EFR3B: variants seen among roughly 807,000 people sequenced by gnomAD.
EFR3B encodes the protein EFR3 homolog B, also known as protein EFR3 homolog B.
EFR3B carries 64 observed loss-of-function variants against 104.7 expected under a neutral mutation model. The ratio of observed to expected loss-of-function variants is 0.61; its 90% CI spans 0.50 to 0.75. The LOEUF (loss-of-function observed/expected upper bound fraction) is 0.75. EFR3B is among the 30% of genes least tolerant of loss of function. The pLI, the probability that EFR3B is intolerant of heterozygous loss-of-function variation, is 0.00. For missense variants in EFR3B, 750 were observed against 1,078.5 expected, an observed-to-expected ratio of 0.70 and a Z score of 4.27; for synonymous variants, 385 against 417.9, an observed-to-expected ratio of 0.92 and a Z score of 0.96.
At chr2:25,107,272 G>C (rs1669591821) in intron 4 of EFR3B, among the ~76,000 whole-genome samples, 1 of 152,166 alleles carries the variant, frequency 6.6e-6, no homozygotes, top group Admixed American at 6.5e-5. Context: ...CCCCGGCCTT[G>C]TGGGTGAGAA....
At chr2:25,110,091 C>G (rs544291490) in intron 4 of EFR3B, among the ~76,000 whole-genome samples, 29 of 152,206 alleles carry the variant, frequency 1.9e-4, no homozygotes, top group African/African-American at 6.3e-4. Flanking sequence ...CTGTTCCCCC[C>G]CATCTTGCTT....
At position 25,059,875 on chromosome 2, in the gene EFR3B, CAAAAAA is replaced by C. The variant is rs773320701; in HGVS notation, c.7+17577_7+17582del. Among the ~76,000 whole-genome samples, 7 of 48,750 alleles carry C rather than the reference CAAAAAA, an allele frequency of 1.4e-4. No individual in the cohort carries two copies. In the South Asian group the frequency reaches 2.3e-3, roughly 16 times the overall value. The allele number at this position is 48,750 out of a possible 152,430, so 32.0% of individuals were successfully genotyped here. A position where few individuals can be genotyped will look rare whatever the true frequency, so the allele number is the denominator to read the frequency against. On this transcript the variant is annotated intron_variant, in intron 1 of 22. Transcript: ENST00000403714. ...GGGCAACAAGAGCAAAACTCTGTCT[CAAAAAA>C]AAAAAAAAAAAAAAAAAAAAGACTA... is the stretch of plus-strand genomic sequence containing the variant.
At chr2:25,080,282 G>GTTT in intron 1 of EFR3B, 18 of 176,982 alleles carry the variant, frequency 1.0e-4, no homozygotes, top group East Asian at 5.6e-4. Context: ...CCTCCCCAAA[G>GTTT]CTTTTTTTTT....
chr2:25,141,214 C>T (rs1322406324), intron 16 of EFR3B, among the ~76,000 whole-genome samples, 152 bp from the exon 17 acceptor site: 8 of 152,092 alleles, frequency 5.3e-5, no homozygotes, highest in African/African-American at 1.7e-4. Flanking sequence ...CCTGTTGATG[C>T]GAGTTTCCAC....
rs142956326 is a variant in EFR3B, at chr2:25,127,147, G to A, written c.486-1036G>A. Reference sequence around the variant, plus strand: ...GCAGAGGTTGCAGTAAGCCAAGATCGCACCATTGCACTCCAGCCTGGGCGA... The same window carrying A: ...GCAGAGGTTGCAGTAAGCCAAGATCACACCATTGCACTCCAGCCTGGGCGA... On this transcript the variant is annotated intron_variant, in intron 5 of 22. Coordinates refer to ENST00000403714, the MANE Select transcript of EFR3B (RefSeq NM_014971.2). Among the ~76,000 whole-genome samples the A allele has an allele frequency of 8.0e-3, 1,046 of 130,358 alleles. 12 individuals are homozygous for A. The highest frequency in any genetic ancestry group is 0.029 in the African/African-American group (983 of 33,598). 85.5% of individuals were successfully genotyped at this position (130,358 alleles called of 152,430 possible).
At chr2:25,118,452 TAC>T (rs1054167133) in intron 4 of EFR3B, among the ~76,000 whole-genome samples, 6 of 152,146 alleles carry the variant, frequency 3.9e-5, no homozygotes, top group African/African-American at 1.2e-4. Context: ...TGTGTGTGTA[TAC>T]ACAGATATGC....
chr2:25,138,390 C>T (rs1670577496), intron 15 of EFR3B, among the ~76,000 whole-genome samples: 1 of 152,082 alleles, frequency 6.6e-6, no homozygotes. Context: ...TTCCTGGGTG[C>T]GTGTGTACAC....
In EFR3B at chr2:25,158,988, G is replaced by A. The variant is rs1235435851; in HGVS notation, c.*4648G>A. Reference sequence around the variant, plus strand: ...TATTTTAAACCCATTGAATTGGTTAGTTTTATTTTAGGGAAGTGGGAAAGG... The same window carrying A: ...TATTTTAAACCCATTGAATTGGTTAATTTTATTTTAGGGAAGTGGGAAAGG... On this transcript the variant is annotated 3_prime_UTR_variant, in exon 23 of 23. Transcript: ENST00000403714. 2.0e-5 allele frequency: 3 copies of A among 152,212 alleles called. No homozygotes were observed. Among genetic ancestry groups the A allele is most frequent in the African/African-American group, 7.2e-5 (3 of 41,450 alleles). 9.4% of individuals were successfully genotyped at this position (152,212 alleles called of 1,614,324 possible).
At chr2:25,121,268 T>A (rs1670005081) in intron 4 of EFR3B, among the ~76,000 whole-genome samples, 1 of 152,216 alleles carries the variant, frequency 6.6e-6, no homozygotes, top group Non-Finnish European at 1.5e-5. Context: ...TGTTCTTGTG[T>A]CCTCGAATTC....
At chr2:25,124,738 CAAAAAAAAAAAAA>C (rs34181444) in intron 5 of EFR3B, among the ~76,000 whole-genome samples, 1 of 41,790 alleles carries the variant, frequency 2.4e-5, no homozygotes, top group Non-Finnish European at 4.1e-5. Context: ...GACTCTGTCT[CAAAAAAAAAAAAA>C]AAAAAAAAAA....
Position 25,138,000 on chromosome 2 carries a change from C to T in EFR3B, c.1722+498C>T, listed in dbSNP as rs759586224. ...CAGCCTGGCCAACATGGTGAAACCC[C>T]GTCTCCACTAAAAATACAAAAATTA... On this transcript the variant is annotated intron_variant, in intron 15 of 22. Coordinates refer to ENST00000403714, the MANE Select transcript of EFR3B (RefSeq NM_014971.2). The surrounding 1 kb of genome is among the most constrained non-coding windows in gnomAD (Gnocchi z 4.7). Among the ~76,000 whole-genome samples, 2 of 151,988 alleles carry T rather than the reference C, an allele frequency of 1.3e-5. No homozygotes were observed. Among genetic ancestry groups the T allele is most frequent in the African/African-American group, 2.4e-5 (1 of 41,352 alleles).
At chr2:25,059,572 C>CGGG (rs56219617) in intron 1 of EFR3B, among the ~76,000 whole-genome samples, 15 of 60,198 alleles carry the variant, frequency 2.5e-4, no homozygotes, top group East Asian at 4.6e-4. Flanking sequence ...CCAGGGACTG[C>CGGG]GGGGGGGGGG....
Position 25,064,565 on chromosome 2 carries a change from C to G in EFR3B, c.7+22246C>G, listed in dbSNP as rs74915173. ...CACTATTGTTTTCATGTGATAGATT[C>G]TACTCGCTATGATGCAAGCTCTTTG... On this transcript the variant is annotated intron_variant, in intron 1 of 22. Coordinates refer to ENST00000403714, the MANE Select transcript of EFR3B (RefSeq NM_014971.2). 1.1e-4 allele frequency among the ~76,000 whole-genome samples: 16 copies of G among 152,256 alleles called. No homozygotes were observed. The East Asian group carries it at 3.1e-3, about 29-fold the overall frequency.
At chr2:25,064,715 A>G (rs1161077388) in intron 1 of EFR3B, among the ~76,000 whole-genome samples, 2 of 152,204 alleles carry the variant, frequency 1.3e-5, no homozygotes, top group African/African-American at 2.4e-5. Context: ...AGGAGCCCAG[A>G]TCACATTAAA....
intron 1 of EFR3B, chr2:25,079,861 A>G (rs995730988): frequency 2.4e-5 from 23 of 943,496 alleles, no homozygotes; most frequent in Non-Finnish European, 3.3e-5. Context: ...TAATGATTAT[A>G]GCACATTTAA....
chr2:25,064,132 T>C (rs1668269031), intron 1 of EFR3B, among the ~76,000 whole-genome samples: 1 of 152,214 alleles, frequency 6.6e-6, no homozygotes, highest in Non-Finnish European at 1.5e-5. Flanking sequence ...TTCTGAAATT[T>C]CTCTTTGGCA....
chr2:25,135,711 T>C lies in EFR3B; in HGVS notation c.1484+72T>C. On this transcript the variant is annotated intron_variant, in intron 13 of 22. Transcript: ENST00000403714. The stretch of plus-strand genomic sequence containing the variant: ...CTCTCCATTAGGTCCTATCCTTTGG[T>C]CCTGTCCTCACACCCAGGTTCCCAC... 9 of 1,508,856 alleles carry C rather than the reference T, an allele frequency of 6.0e-6. No homozygotes were observed. The South Asian group carries it at 1.1e-4, about 19-fold the overall frequency. The allele number at this position is 1,508,856 out of a possible 1,614,324, so 93.5% of individuals were successfully genotyped here. A position where few individuals can be genotyped will look rare whatever the true frequency, so the allele number is the denominator to read the frequency against.
At chr2:25,121,563 G>A in intron 4 of EFR3B, 110 bp from the exon 5 acceptor site, 3 of 1,392,570 alleles carry the variant, frequency 2.2e-6, no homozygotes, top group Non-Finnish European at 2.9e-6. Flanking sequence ...GCTGGCTCCA[G>A]GATGCGTGGT....
intron 4 of EFR3B, among the ~76,000 whole-genome samples, chr2:25,110,333 G>A (rs568303824): frequency 3.3e-5 from 5 of 152,270 alleles, no homozygotes; most frequent in Admixed American, 2.6e-4. Flanking sequence ...CTACACATAT[G>A]TGCGTTAGGA....
Sources: gnomAD v4.1 joint callset for allele counts (sites outside exome capture counted in the v4.1 genomes callset) on GRCh38, gnomAD v4.1.1 for gene constraint, Gnocchi (gnomAD v3.1) non-coding constraint, MANE v1.5 for transcripts, NCBI Gene and HGNC (gene_info 2026-07-23, HGNC 2026-07-21) for gene names.